NLGN4X: variants seen among roughly 807,000 people sequenced by gnomAD.
NLGN4X encodes neuroligin 4 X-linked.
NLGN4X carries 3 observed loss-of-function variants against 40.3 expected under a neutral mutation model. That is an observed-to-expected ratio of 0.07 (90% CI 0.03 to 0.19). NLGN4X has a LOEUF of 0.19. Ranked by LOEUF, NLGN4X falls within the 10% of genes least tolerant of loss-of-function variation. The pLI, the probability that NLGN4X is intolerant of heterozygous loss-of-function variation, is 1.00. For synonymous variants in NLGN4X, 270 were observed against 306.8 expected (o/e 0.88, Z 1.25); for missense variants, 382 against 708.3 (o/e 0.54, Z 5.23).
chrX:5,930,685 G>T (rs757879425), intron 3 of NLGN4X, among the ~76,000 whole-genome samples: 1 of 112,388 alleles, frequency 8.9e-6, no homozygotes, highest in African/African-American at 3.2e-5. Flanking sequence ...ATTCTGTGCT[G>T]CCAAAGAAAC....
At chrX:5,983,074 C>T (rs2035434636) in intron 3 of NLGN4X, among the ~76,000 whole-genome samples, 1 of 112,255 alleles carries the variant, frequency 8.9e-6, no homozygotes, top group East Asian at 2.8e-4. Context: ...AATATACTTG[C>T]CTTTAACATT....
intron 3 of NLGN4X, among the ~76,000 whole-genome samples, chrX:6,012,238 C>A (rs777435060): frequency 8.9e-6 from 1 of 112,698 alleles, no homozygotes; most frequent in African/African-American, 3.2e-5. Flanking sequence ...ATTGCTGGAG[C>A]AAAAGCACAA....
At chrX:5,966,968 T>C (rs1015610743) in intron 3 of NLGN4X, among the ~76,000 whole-genome samples, 1 of 112,154 alleles carries the variant, frequency 8.9e-6, no homozygotes, top group Non-Finnish European at 1.9e-5. Flanking sequence ...ATTTCTACTA[T>C]TTCTATAAAA....
chrX:6,031,738 C>G (rs2036862137), intron 2 of NLGN4X, among the ~76,000 whole-genome samples: 1 of 109,142 alleles, frequency 9.2e-6, no homozygotes, highest in Non-Finnish European at 1.9e-5. Context: ...TAGAGCCTTA[C>G]CAATGAAGAA....
chrX:6,042,333 T>C (rs1319718921), intron 2 of NLGN4X, among the ~76,000 whole-genome samples: 3 of 110,828 alleles, frequency 2.7e-5, no homozygotes, highest in African/African-American at 9.8e-5. Context: ...GTGCTTACTA[T>C]TAGAGTCCTA....
chrX:6,112,480 G>A (rs1336871948), intron 2 of NLGN4X, among the ~76,000 whole-genome samples: 1 of 110,644 alleles, frequency 9.0e-6, no homozygotes, highest in African/African-American at 3.3e-5. Flanking sequence ...GAGTAGGCGA[G>A]AATAGGCACA....
At chrX:6,084,450 G>A (rs889923192) in intron 2 of NLGN4X, among the ~76,000 whole-genome samples, 1 of 111,336 alleles carries the variant, frequency 9.0e-6, no homozygotes, top group Non-Finnish European at 1.9e-5. Flanking sequence ...TTGGGAGGTG[G>A]AAAACTGTCC....
At chrX:6,014,075 G>A (rs946453166) in intron 3 of NLGN4X, among the ~76,000 whole-genome samples, 1 of 108,795 alleles carries the variant, frequency 9.2e-6, no homozygotes, top group African/African-American at 3.4e-5. Context: ...CCAGCTACTC[G>A]GGAGGCTGAG....
intron 2 of NLGN4X, among the ~76,000 whole-genome samples, chrX:6,062,497 C>T (rs759374052): frequency 1.8e-5 from 2 of 111,427 alleles, no homozygotes; most frequent in Non-Finnish European, 3.8e-5. Context: ...ACAAAGTTCT[C>T]GATAGCACCA....
chrX:6,197,938 G>A (rs765670705), intron 1 of NLGN4X, among the ~76,000 whole-genome samples: 19 of 109,498 alleles, frequency 1.7e-4, no homozygotes, highest in Non-Finnish European at 2.7e-4. Context: ...GGTGGTGCAC[G>A]CCTGTAGTCC....
At chrX:6,180,605 G>T in intron 1 of NLGN4X, among the ~76,000 whole-genome samples, 1 of 111,436 alleles carries the variant, frequency 9.0e-6, no homozygotes, top group Non-Finnish European at 1.9e-5. Context: ...ATGCAAGAAC[G>T]GACTAATACA....
intron 1 of NLGN4X, among the ~76,000 whole-genome samples, chrX:6,205,010 A>G (rs958982400): frequency 1.8e-5 from 2 of 111,779 alleles, no homozygotes; most frequent in Non-Finnish European, 3.8e-5. Context: ...GGTCTGCAGC[A>G]GGAGCTCAAA....
At chrX:5,925,877 CACACATAT>C (rs2033266968) in intron 3 of NLGN4X, among the ~76,000 whole-genome samples, 1 of 11,119 alleles carries the variant, frequency 9.0e-5, no homozygotes, top group African/African-American at 6.4e-4. Flanking sequence ...TATATACATA[CACACATAT>C]ATATATATAT....
intron 1 of NLGN4X, among the ~76,000 whole-genome samples, chrX:6,156,244 T>C (rs2040262498): frequency 1.8e-5 from 2 of 112,172 alleles, no homozygotes; most frequent in East Asian, 2.8e-4. Flanking sequence ...GCGCGGTGGC[T>C]CACGCCTGTA....
At chrX:6,138,642 C>T (rs974239104) in intron 2 of NLGN4X, among the ~76,000 whole-genome samples, 13 of 111,406 alleles carry the variant, frequency 1.2e-4, no homozygotes, top group African/African-American at 4.2e-4. Flanking sequence ...GGAGGGCAGA[C>T]TCGTAAAATG....
At chrX:6,163,312 C>T (rs1407129745) in intron 1 of NLGN4X, among the ~76,000 whole-genome samples, 1 of 112,175 alleles carries the variant, frequency 8.9e-6, no homozygotes, top group Non-Finnish European at 1.9e-5. Flanking sequence ...TAGCTAATTA[C>T]AATTATTCAC....
intron 2 of NLGN4X, among the ~76,000 whole-genome samples, chrX:6,081,544 T>C (rs1366355434): frequency 1.8e-5 from 2 of 112,435 alleles, no homozygotes; most frequent in African/African-American, 3.2e-5. Flanking sequence ...GAAGGGCCTT[T>C]TCCCAGTAAA....
rs776890543 is a variant in NLGN4X at position 5,904,084 on chromosome X, C to T, written c.812-218G>A. On this transcript the variant is annotated intron_variant, in intron 4 of 5. Transcript: ENST00000381095. The stretch of plus-strand genomic sequence containing the variant: ...TTTAGGGAATGTTATTCTACACACA[C>T]ACACACACACACGAGTTTAAGGAAA... Among the ~76,000 whole-genome samples, 3 of 111,107 alleles carry T rather than the reference C, an allele frequency of 2.7e-5. No individual in the cohort carries two copies. The Admixed American group carries it at 2.9e-4, about 11-fold the overall frequency.
In NLGN4X at chrX:5,903,163, G is replaced by A. The variant is rs9785600; in HGVS notation, c.1515C>T (p.Thr505=). The A allele has an allele frequency of 8.2e-5, 99 of 1,210,465 alleles. No individual in the cohort carries two copies. In the East Asian group the frequency reaches 1.2e-3, roughly 15 times the overall value. Residue 505 remains threonine, a synonymous_variant, in exon 5 of 6, where the codon ACC becomes ACT. Transcript: ENST00000381095. ...TGGAAAAGTTACAACTGAAGAGCTC[G>A]GTGGGACCGATCATGGGGATGCCGA... The part of the protein sequence containing the change: ...YVFGIPMIGP[T]ELFSCNFSKN...
Sources: gnomAD v4.1 joint callset for allele counts (sites outside exome capture counted in the v4.1 genomes callset) on GRCh38, gnomAD v4.1.1 for gene constraint, MANE v1.5 for transcripts, NCBI Gene and HGNC (gene_info 2026-07-23, HGNC 2026-07-21) for gene names.